EIF2AK3: variants seen among roughly 807,000 people sequenced by gnomAD.
EIF2AK3 encodes the protein eukaryotic translation initiation factor 2-alpha kinase 3.
In EIF2AK3, 50 loss-of-function variants were observed where a neutral mutation model predicts 113.5. The ratio of observed to expected loss-of-function variants is 0.44; its 90% CI spans 0.35 to 0.56. EIF2AK3 has a LOEUF of 0.56. EIF2AK3 is among the 20% of genes least tolerant of loss of function. EIF2AK3 has a pLI of 0.00. For synonymous variants in EIF2AK3, 448 were observed against 495.4 expected (o/e 0.90, Z 1.27); for missense variants, 1,185 against 1,378.0 (o/e 0.86, Z 2.22).
At chr2:88,606,867 G>A (rs892087941) in intron 2 of EIF2AK3, among the ~76,000 whole-genome samples, 1 of 152,082 alleles carries the variant, frequency 6.6e-6, no homozygotes, top group East Asian at 1.9e-4. Context: ...ACAGAAAGGC[G>A]GTGTCCCTTG....
chr2:88,567,212 C>G (rs964188073), intron 14 of EIF2AK3, among the ~76,000 whole-genome samples: 1 of 139,812 alleles, frequency 7.2e-6, no homozygotes, highest in Admixed American at 7.1e-5. Flanking sequence ...CCCTTTCTAA[C>G]CTTTTTTTTT....
At chr2:88,621,232 C>G (rs562643757) in intron 1 of EIF2AK3, among the ~76,000 whole-genome samples, 1 of 152,216 alleles carries the variant, frequency 6.6e-6, no homozygotes, top group South Asian at 2.1e-4. Context: ...ACAATGAATA[C>G]GCAATAAAAA....
chr2:88,590,678 T>C, intron 5 of EIF2AK3, 73 bp from the exon 6 acceptor site: 3 of 1,577,940 alleles, frequency 1.9e-6, no homozygotes, highest in South Asian at 2.2e-5. Flanking sequence ...TAAAATACCA[T>C]TTAAAATCAC....
chr2:88,582,030 T>A (rs1674612127), intron 10 of EIF2AK3, among the ~76,000 whole-genome samples: 1 of 152,098 alleles, frequency 6.6e-6, no homozygotes, highest in Admixed American at 6.6e-5. Context: ...GAAATGCGAG[T>A]GGCATCACCC....
chr2:88,623,567 T>C (rs1274145072), intron 1 of EIF2AK3, among the ~76,000 whole-genome samples: 1 of 152,204 alleles, frequency 6.6e-6, no homozygotes. Context: ...GTTTTGCCAG[T>C]ACTGCAGTTC....
intron 14 of EIF2AK3, among the ~76,000 whole-genome samples, chr2:88,563,965 G>A (rs1485044451): frequency 6.6e-6 from 1 of 152,006 alleles, no homozygotes; most frequent in Non-Finnish European, 1.5e-5. Context: ...TTCCCTAGAG[G>A]ACAGATAGAT....
intron 14 of EIF2AK3, among the ~76,000 whole-genome samples, chr2:88,568,569 C>T (rs1309851874): frequency 6.6e-6 from 1 of 152,156 alleles, no homozygotes; most frequent in Admixed American, 6.5e-5. Flanking sequence ...CATTTATGCT[C>T]CATACCAAAG....
intron 2 of EIF2AK3, among the ~76,000 whole-genome samples, chr2:88,604,411 C>G (rs566311426): frequency 2.0e-5 from 3 of 152,294 alleles, no homozygotes; most frequent in African/African-American, 7.2e-5. Context: ...CCTCTCTATC[C>G]ATCTCTTGCC....
chr2:88,585,338 G>A (rs1408386271), intron 9 of EIF2AK3, among the ~76,000 whole-genome samples: 1 of 151,670 alleles, frequency 6.6e-6, no homozygotes, highest in Non-Finnish European at 1.5e-5. Flanking sequence ...AATGGGAGGG[G>A]AAATGAGGAC....
chr2:88,586,953 T>C (rs992053991), intron 8 of EIF2AK3, among the ~76,000 whole-genome samples: 1 of 147,226 alleles, frequency 6.8e-6, no homozygotes, highest in African/African-American at 2.5e-5. Context: ...ACGCCTGTAA[T>C]CCAGACACTT....
At chr2:88,617,346 G>C (rs1675611080) in intron 1 of EIF2AK3, among the ~76,000 whole-genome samples, 1 of 152,180 alleles carries the variant, frequency 6.6e-6, no homozygotes, top group Non-Finnish European at 1.5e-5. Context: ...CAGCAACATG[G>C]AGGGAGCTGG....
Position 88,562,277 on chromosome 2 carries a change from G to T in EIF2AK3, c.3087+12C>A. On this transcript the variant is annotated intron_variant, in intron 15 of 16. Transcript: ENST00000303236. ...GTTTGAAACTTTTTTTTTGAGTAGG[G>T]AGGGTACTTACCCTGACTCTCTCCA... 6.2e-7 allele frequency: 1 copy of T among 1,602,030 alleles called. No homozygotes were observed. The highest frequency in any genetic ancestry group is 8.6e-7 in the Non-Finnish European group (1 of 1,169,190).
At chr2:88,613,600 G>C (rs1212828063) in intron 2 of EIF2AK3, 124 bp downstream of exon 2, 1 of 1,022,710 alleles carries the variant, frequency 9.8e-7, no homozygotes, top group Non-Finnish European at 1.5e-6. Context: ...TTGCCCTAAA[G>C]GGACACAAAC....
chr2:88,619,879 C>T (rs1053421487), intron 1 of EIF2AK3, among the ~76,000 whole-genome samples: 1 of 150,226 alleles, frequency 6.7e-6, no homozygotes, highest in African/African-American at 2.4e-5. Context: ...TCACTTGAAC[C>T]TGGGAGGCGG....
At chr2:88,573,762 T>C (rs562704656) in intron 13 of EIF2AK3, among the ~76,000 whole-genome samples, 53 of 152,252 alleles carry the variant, frequency 3.5e-4, no homozygotes, top group African/African-American at 1.3e-3. Flanking sequence ...TAGAAGAAAA[T>C]AACTTGTGTC....
At chr2:88,577,312 C>G (rs1380348092) in intron 11 of EIF2AK3, among the ~76,000 whole-genome samples, 1 of 152,020 alleles carries the variant, frequency 6.6e-6, no homozygotes, top group Non-Finnish European at 1.5e-5. Flanking sequence ...AAAGGCCACA[C>G]AAGTCCTGTA....
Position 88,627,185 on chromosome 2 carries a change from C to G in EIF2AK3, c.90G>C (p.Ala30=), listed in dbSNP as rs2103992815. The G allele has an allele frequency of 6.9e-6, 10 of 1,447,422 alleles. No individual in the cohort carries two copies. Among genetic ancestry groups the G allele is most frequent in the Non-Finnish European group, 8.1e-6 (9 of 1,105,224 alleles). 89.7% of individuals were successfully genotyped at this position (1,447,422 alleles called of 1,614,324 possible). ...GCGCTGGGAGGCCACGGGCGCGCCC[C>G]GCGGCCACCGTCCTTGCCGCGAGCC... ...LLGLAARTVA[A]GRARGLPAPT... The change falls in exon 1 of 17, where the codon GCG becomes GCC. Residue 30 remains alanine (A), a synonymous_variant. Transcript: ENST00000303236.
chr2:88,586,447 C>A (rs1028243591), intron 8 of EIF2AK3, among the ~76,000 whole-genome samples: 2 of 152,042 alleles, frequency 1.3e-5, no homozygotes, highest in Non-Finnish European at 2.9e-5. Context: ...TACCACCAAT[C>A]ATTCTTCACA....
At chr2:88,567,532 A>G (rs1381307470) in intron 14 of EIF2AK3, among the ~76,000 whole-genome samples, 1 of 152,212 alleles carries the variant, frequency 6.6e-6, no homozygotes, top group African/African-American at 2.4e-5. Context: ...GCTTATAATG[A>G]TAAGCATACT....
Sources: gnomAD v4.1 joint callset for allele counts (sites outside exome capture counted in the v4.1 genomes callset) on GRCh38, gnomAD v4.1.1 for gene constraint, MANE v1.5 for transcripts, NCBI Gene and HGNC (gene_info 2026-07-23, HGNC 2026-07-21) for gene names.